Variants in PARD3B observed in about 807,000 individuals in gnomAD.
PARD3B encodes the protein partitioning defective 3 homolog B.
A neutral mutation model predicts 130.2 loss-of-function variants in PARD3B; 103 were observed. The ratio of observed to expected loss-of-function variants is 0.79; its 90% CI spans 0.67 to 0.93. PARD3B has a LOEUF of 0.93. Among genes scored for constraint, PARD3B ranks in the 40% least tolerant of loss-of-function variants. The pLI, the probability that PARD3B is intolerant of heterozygous loss-of-function variation, is 0.00. For synonymous variants in PARD3B, 583 were observed against 553.2 expected, an observed-to-expected ratio of 1.05 and a Z score of -0.76; for missense variants, 1,609 against 1,499.2, an observed-to-expected ratio of 1.07 and a Z score of -1.21.
At chr2:204,908,798 C>G (rs373188717) in intron 2 of PARD3B, among the ~76,000 whole-genome samples, 1 of 152,076 alleles carries the variant, frequency 6.6e-6, no homozygotes, top group African/African-American at 2.4e-5. Context: ...ACCAGAATAA[C>G]GTTTATGTAA....
chr2:204,642,885 G>C (rs1035870889), intron 1 of PARD3B, among the ~76,000 whole-genome samples: 1 of 151,136 alleles, frequency 6.6e-6, no homozygotes, highest in African/African-American at 2.4e-5. Flanking sequence ...AGGCCGAGGC[G>C]GGTGGATCAC....
At chr2:204,996,455 C>G (rs911391923) in intron 3 of PARD3B, among the ~76,000 whole-genome samples, 9 of 152,184 alleles carry the variant, frequency 5.9e-5, no homozygotes, top group Admixed American at 3.9e-4. Context: ...TCTCCAGCTG[C>G]GTGCTGGGAG....
At position 205,158,962 on chromosome 2, in the gene PARD3B, G is replaced by A. The variant is rs2034349487; in HGVS notation, c.1620+55G>A. ...TGAGAAGGCACTTGGAGATGTGACTGTTGTACTTAGAGACTGAATGGAGAA... is the reference window on the plus strand; with the variant it reads ...TGAGAAGGCACTTGGAGATGTGACTATTGTACTTAGAGACTGAATGGAGAA... On this transcript the variant is annotated intron_variant, in intron 11 of 22. Transcript: ENST00000406610. The surrounding 1 kb of genome is among the most constrained non-coding windows in gnomAD (Gnocchi z 5.4). 1.3e-6 allele frequency: 2 copies of A among 1,574,318 alleles called. No homozygotes were observed. Among genetic ancestry groups the A allele is most frequent in the Non-Finnish European group, 8.7e-7 (1 of 1,148,922 alleles).
At chr2:205,580,808 C>T (rs1424207254) in intron 22 of PARD3B, among the ~76,000 whole-genome samples, 2 of 151,980 alleles carry the variant, frequency 1.3e-5, no homozygotes, top group Non-Finnish European at 2.9e-5. Context: ...TGAGAAGGCA[C>T]GAGACACTAA....
At chr2:205,369,078 T>C (rs983039834) in intron 18 of PARD3B, among the ~76,000 whole-genome samples, 2 of 152,200 alleles carry the variant, frequency 1.3e-5, no homozygotes, top group African/African-American at 2.4e-5. Context: ...CAGCTTTACC[T>C]ACTGAACACT....
rs1877344 is a variant in PARD3B at position 205,366,094 on chromosome 2, A to G, written c.2631-34919A>G. 0.2 allele frequency among the ~76,000 whole-genome samples: 29,531 copies of G among 151,212 alleles called. 3,683 individuals carry two copies. Among genetic ancestry groups the G allele is most frequent in the African/African-American group, 0.36 (14,764 of 41,118 alleles). Reference sequence around the variant, plus strand: ...CACTCATCCATCCATCCGTTTATCCATCCATTCATCCATCCATCCATTATC... The same window carrying G: ...CACTCATCCATCCATCCGTTTATCCGTCCATTCATCCATCCATCCATTATC... On this transcript the variant is annotated intron_variant, in intron 18 of 22. Transcript: ENST00000406610. The surrounding 1 kb of genome is among the most constrained non-coding windows in gnomAD (Gnocchi z 5.0).
intron 1 of PARD3B, among the ~76,000 whole-genome samples, chr2:204,685,057 T>A (rs953003405): frequency 3.9e-5 from 6 of 151,980 alleles, no homozygotes; most frequent in Admixed American, 1.3e-4. Context: ...TTATTGGGGG[T>A]CAGCTAAAAA....
intron 18 of PARD3B, among the ~76,000 whole-genome samples, chr2:205,369,341 A>G (rs894539131): frequency 2.6e-5 from 4 of 151,978 alleles, no homozygotes; most frequent in East Asian, 1.9e-4. Context: ...TTCTCTCCCT[A>G]GTGTCATGGG....
At chr2:205,196,191 A>G (rs1432222926) in intron 15 of PARD3B, among the ~76,000 whole-genome samples, 2 of 152,192 alleles carry the variant, frequency 1.3e-5, no homozygotes, top group Non-Finnish European at 2.9e-5. Context: ...TTGCTTCCCC[A>G]TCTATGTACA....
Position 204,959,815 on chromosome 2 carries a change from A to G in PARD3B, c.223-5337A>G, listed in dbSNP as rs1690588392. Among the ~76,000 whole-genome samples the G allele has an allele frequency of 2.6e-5, 4 of 152,226 alleles. No individual in the cohort carries two copies. The South Asian group carries it at 8.3e-4, about 31-fold the overall frequency. On this transcript the variant is annotated intron_variant, in intron 2 of 22. Coordinates refer to ENST00000406610, the MANE Select transcript of PARD3B (RefSeq NM_001302769.2). ...TTAATGAAGCTAGTGCCTAATCTTT[A>G]AATTGGGAACACCAGTCAGCCCTGG...
At chr2:205,036,795 T>A (rs1381662317) in intron 3 of PARD3B, among the ~76,000 whole-genome samples, 1 of 150,464 alleles carries the variant, frequency 6.6e-6, no homozygotes, top group Non-Finnish European at 1.5e-5. Flanking sequence ...CACAGCGGAC[T>A]GTATGTACAA....
chr2:205,393,852 A>C (rs1036308493), intron 18 of PARD3B, among the ~76,000 whole-genome samples: 1 of 152,302 alleles, frequency 6.6e-6, no homozygotes, highest in Non-Finnish European at 1.5e-5. Context: ...ATCATTCATC[A>C]GCGTATGTAT....
intron 1 of PARD3B, among the ~76,000 whole-genome samples, chr2:204,620,133 C>T (rs991390521): frequency 6.6e-6 from 1 of 152,208 alleles, no homozygotes; most frequent in African/African-American, 2.4e-5. Flanking sequence ...TCCCAAGTAG[C>T]TGGGATTACA....
intron 22 of PARD3B, among the ~76,000 whole-genome samples, chr2:205,611,656 C>G (rs1207619438): frequency 6.6e-6 from 1 of 152,088 alleles, no homozygotes; most frequent in Non-Finnish European, 1.5e-5. Flanking sequence ...GGAAATGAGC[C>G]TAATCCGAAA....
At chr2:205,573,158 A>G (rs1559230019) in intron 22 of PARD3B, among the ~76,000 whole-genome samples, 1 of 152,132 alleles carries the variant, frequency 6.6e-6, no homozygotes, top group Non-Finnish European at 1.5e-5. Flanking sequence ...GTTCCCTACC[A>G]TGACGTGGGG....
chr2:204,657,739 TG>T (rs1348391075), intron 1 of PARD3B, among the ~76,000 whole-genome samples: 2 of 152,126 alleles, frequency 1.3e-5, no homozygotes, highest in Non-Finnish European at 2.9e-5. Flanking sequence ...AATAGCAAAA[TG>T]AATTGAAATA....
intron 20 of PARD3B, among the ~76,000 whole-genome samples, chr2:205,466,715 T>A (rs941650137): frequency 2.6e-5 from 4 of 152,220 alleles, no homozygotes; most frequent in African/African-American, 9.7e-5. Context: ...TTTGTTTTGT[T>A]TTGTTTTTGT....
rs2048528485 is a variant in PARD3B at position 205,463,690 on chromosome 2, G to T, written c.3044+23018G>T. Reference sequence around the variant, plus strand: ...AAACAGTCAGAGTTGCTGAAGAAAAGCTGTTAAAAATTATGTTTATAGGCC... The same window carrying T: ...AAACAGTCAGAGTTGCTGAAGAAAATCTGTTAAAAATTATGTTTATAGGCC... On this transcript the variant is annotated intron_variant, in intron 20 of 22. Transcript: ENST00000406610. This position sits in a 1 kb window ranked among gnomAD's most constrained non-coding sequence, Gnocchi z 4.8. Among the ~76,000 whole-genome samples, 1 of 152,208 alleles carries T rather than the reference G, an allele frequency of 6.6e-6. No individual in the cohort carries two copies. The highest frequency in any genetic ancestry group is 2.1e-4 in the South Asian group (1 of 4,836).
chr2:205,218,578 A>G (rs1315966221), intron 15 of PARD3B, among the ~76,000 whole-genome samples: 1 of 152,184 alleles, frequency 6.6e-6, no homozygotes, highest in Non-Finnish European at 1.5e-5. Context: ...TCATAGGCAA[A>G]TAATTGTAAA....
Sources: gnomAD v4.1 joint callset for allele counts (sites outside exome capture counted in the v4.1 genomes callset) on GRCh38, gnomAD v4.1.1 for gene constraint, Gnocchi (gnomAD v3.1) non-coding constraint, MANE v1.5 for transcripts, NCBI Gene and HGNC (gene_info 2026-07-23, HGNC 2026-07-21) for gene names.